The following GLG1 variants were observed in gnomAD, a reference collection of about 807,000 sequenced individuals.
The protein encoded by GLG1 is golgi glycoprotein 1.
GLG1 carries 38 observed loss-of-function variants against 160.5 expected under a neutral mutation model. The ratio of observed to expected loss-of-function variants is 0.24; its 90% CI spans 0.18 to 0.31. The LOEUF is 0.31. Ranked by LOEUF, GLG1 falls within the 10% of genes least tolerant of loss-of-function variation. GLG1 has a pLI of 1.00. For missense variants in GLG1, 1,373 were observed against 1,505.2 expected, an observed-to-expected ratio of 0.91 and a Z score of 1.45; for synonymous variants, 644 against 543.4, an observed-to-expected ratio of 1.19 and a Z score of -2.57.
At chr16:74,463,859 G>A (rs998421939) in intron 19 of GLG1, 6 of 193,298 alleles carry the variant, frequency 3.1e-5, no homozygotes, top group Admixed American at 5.6e-5. Flanking sequence ...ACAGGCATGA[G>A]CCACCACGCC....
chr16:74,516,772 G>GT (rs1030084171), intron 2 of GLG1, among the ~76,000 whole-genome samples: 18 of 152,184 alleles, frequency 1.2e-4, no homozygotes, highest in African/African-American at 3.4e-4. Flanking sequence ...TCCAGGAGCT[G>GT]TTTTTTTGAA....
chr16:74,582,519 T>C (rs1262968266), intron 1 of GLG1, among the ~76,000 whole-genome samples: 3 of 152,066 alleles, frequency 2.0e-5, no homozygotes, highest in Non-Finnish European at 4.4e-5. Context: ...TATCAAACTT[T>C]TCGGTCAAAA....
intron 9 of GLG1, 48 bp downstream of exon 9, chr16:74,485,748 G>A (rs1471526736): frequency 1.3e-6 from 2 of 1,554,676 alleles, no homozygotes; most frequent in Middle Eastern, 1.7e-4. Context: ...TCCCTGTGCT[G>A]CCAAATGAAA....
chr16:74,459,586 G>A (rs1284518225), intron 23 of GLG1, 96 bp downstream of exon 23: 2 of 692,632 alleles, frequency 2.9e-6, no homozygotes, highest in Non-Finnish European at 5.1e-6. Context: ...GAGATTTTTG[G>A]TTTTATTACC....
At chr16:74,579,351 G>C (rs999630155) in intron 1 of GLG1, among the ~76,000 whole-genome samples, 2 of 86,126 alleles carry the variant, frequency 2.3e-5, no homozygotes, top group Non-Finnish European at 2.2e-5. Context: ...GGGAGGTAAA[G>C]GCTGCAGTGA....
chr16:74,503,226 A>G (rs1168217147), intron 4 of GLG1, among the ~76,000 whole-genome samples: 3 of 151,730 alleles, frequency 2.0e-5, no homozygotes, highest in African/African-American at 7.3e-5. Flanking sequence ...ATATTAGAGA[A>G]CTCAGGTCTC....
At chr16:74,474,516 C>A (rs772627648) in intron 13 of GLG1, 30 bp downstream of exon 13, 1 of 1,035,918 alleles carries the variant, frequency 9.7e-7, no homozygotes, top group Non-Finnish European at 1.5e-6. Flanking sequence ...CAGCCACTCT[C>A]CTCCAATGAG....
chr16:74,515,280 T>C (rs2016943770), intron 2 of GLG1, among the ~76,000 whole-genome samples: 1 of 152,084 alleles, frequency 6.6e-6, no homozygotes, highest in African/African-American at 2.4e-5. Flanking sequence ...TGAACTCAGC[T>C]CTGGAGCGGG....
At position 74,456,413 on chromosome 16, in the gene GLG1, G is replaced by C. The variant is rs551434963; in HGVS notation, c.3372+236C>G. 1.3e-4 allele frequency: 61 copies of C among 455,532 alleles called. No individual in the cohort carries two copies. In the East Asian group the frequency reaches 2.4e-3, roughly 18 times the overall value. The allele number at this position is 455,532 out of a possible 1,614,324, so 28.2% of individuals were successfully genotyped here. A position where few individuals can be genotyped will look rare whatever the true frequency, so the allele number is the denominator to read the frequency against. On this transcript the variant is annotated intron_variant, in intron 25 of 25. Coordinates refer to ENST00000422840, the MANE Select transcript of GLG1 (RefSeq NM_001145667.2). ...CTGACCTCGTGATCTGCCTGCCTCG[G>C]CCTCCCAAAACGCTGAGATTACAGG... is the stretch of plus-strand genomic sequence containing the variant.
intron 4 of GLG1, 37 bp from the exon 5 acceptor site, chr16:74,496,681 A>G: frequency 7.6e-7 from 1 of 1,315,788 alleles, no homozygotes; most frequent in Non-Finnish European, 1.1e-6. Flanking sequence ...TAAAACTTTT[A>G]TCACATGGGT....
chr16:74,594,964 A>G (rs1186888664), intron 1 of GLG1, among the ~76,000 whole-genome samples: 1 of 152,100 alleles, frequency 6.6e-6, no homozygotes, highest in African/African-American at 2.4e-5. Context: ...AGAGGTGGGC[A>G]GATCACGAGG....
intron 1 of GLG1, among the ~76,000 whole-genome samples, chr16:74,559,467 G>C (rs1055029668): frequency 3.3e-5 from 5 of 151,664 alleles, no homozygotes; most frequent in African/African-American, 4.8e-5. Flanking sequence ...GGTAAGGCTG[G>C]GGGAGGAGGG....
chr16:74,550,014 G>A (rs1444218925), intron 1 of GLG1, among the ~76,000 whole-genome samples: 1 of 152,270 alleles, frequency 6.6e-6, no homozygotes, highest in Non-Finnish European at 1.5e-5. Context: ...CTACTTGGGA[G>A]GTTGAGAGGA....
chr16:74,453,010 G>A lies in GLG1; in HGVS notation c.*157C>T. ...GAGGAGGAGGACACCATGGACACGA[G>A]TGGAGGCTGGATGGGACAACGCAGT... On this transcript the variant is annotated 3_prime_UTR_variant, in exon 26 of 26. Coordinates refer to ENST00000422840, the MANE Select transcript of GLG1 (RefSeq NM_001145667.2). The A allele has an allele frequency of 7.3e-7, 1 of 1,378,582 alleles. No individual in the cohort carries two copies. The highest frequency in any genetic ancestry group is 1.5e-5 in the African/African-American group (1 of 68,692). The allele number at this position is 1,378,582 out of a possible 1,614,324, so 85.4% of individuals were successfully genotyped here.
At chr16:74,483,786 T>C (rs2015691070) in intron 9 of GLG1, among the ~76,000 whole-genome samples, 1 of 151,708 alleles carries the variant, frequency 6.6e-6, no homozygotes, top group South Asian at 2.1e-4. Flanking sequence ...GCCTCCCGAG[T>C]AGCTGGGACT....
intron 2 of GLG1, among the ~76,000 whole-genome samples, chr16:74,509,578 G>A (rs924411449): frequency 2.0e-5 from 3 of 151,866 alleles, no homozygotes; most frequent in Non-Finnish European, 2.9e-5. Context: ...TGCCAGGCGC[G>A]GTGGCTGACG....
chr16:74,575,516 T>C (rs938477606), intron 1 of GLG1, among the ~76,000 whole-genome samples: 1 of 152,212 alleles, frequency 6.6e-6, no homozygotes, highest in African/African-American at 2.4e-5. Context: ...GGAAGCTAAC[T>C]ACCAATATTA....
intron 1 of GLG1, among the ~76,000 whole-genome samples, chr16:74,532,822 C>T (rs2017581517): frequency 6.6e-6 from 1 of 152,174 alleles, no homozygotes; most frequent in Non-Finnish European, 1.5e-5. Flanking sequence ...TTACCGTTCC[C>T]AGCCCCCATC....
At chr16:74,584,832 A>G (rs887104169) in intron 1 of GLG1, among the ~76,000 whole-genome samples, 2 of 151,672 alleles carry the variant, frequency 1.3e-5, no homozygotes, top group Non-Finnish European at 2.9e-5. Context: ...AGGAGAATCT[A>G]TTGAATCTGG....
Sources: allele counts gnomAD v4.1 joint callset (sites outside exome capture counted in the v4.1 genomes callset), GRCh38; gene constraint gnomAD v4.1.1; transcripts MANE v1.5; gene names NCBI Gene and HGNC (gene_info 2026-07-23, HGNC 2026-07-21).